The following ADAM22 variants were observed in gnomAD, a reference collection of about 807,000 sequenced individuals.
The protein encoded by ADAM22 is disintegrin and metalloproteinase domain-containing protein 22.
In ADAM22, 65 loss-of-function variants were observed where a neutral mutation model predicts 144.6. That is an observed-to-expected ratio of 0.45 (90% confidence interval 0.37 to 0.55). ADAM22 has a LOEUF of 0.55. Ranked by LOEUF, ADAM22 falls within the 20% of genes least tolerant of loss-of-function variation. The pLI, the probability that ADAM22 is intolerant of heterozygous loss-of-function variation, is 0.00. For synonymous variants in ADAM22, 391 were observed against 412.6 expected (o/e 0.95, Z 0.63); for missense variants, 974 against 1,184.9 (o/e 0.82, Z 2.61).
intron 2 of ADAM22, among the ~76,000 whole-genome samples, chr7:87,939,677 A>C (rs1584442326): frequency 6.6e-6 from 1 of 152,192 alleles, no homozygotes; most frequent in Admixed American, 6.5e-5. Flanking sequence ...GTCTTTGTTA[A>C]ATAACATTAA....
chr7:88,081,228 A>G (rs1220349674), intron 4 of ADAM22, among the ~76,000 whole-genome samples: 2 of 152,200 alleles, frequency 1.3e-5, no homozygotes, highest in African/African-American at 2.4e-5. Context: ...AGACAGAACC[A>G]AAGACAAAAA....
intron 29 of ADAM22, among the ~76,000 whole-genome samples, chr7:88,182,319 A>T (rs565155386): frequency 6.6e-6 from 1 of 152,126 alleles, no homozygotes; most frequent in East Asian, 1.9e-4. Context: ...ATTTGATAAC[A>T]TTCCTTTCTT....
chr7:88,129,676 G>A (rs978903506), intron 9 of ADAM22, among the ~76,000 whole-genome samples: 9 of 151,994 alleles, frequency 5.9e-5, no homozygotes, highest in Non-Finnish European at 1.2e-4. Context: ...GACATATAAC[G>A]TAAGTGAAAT....
intron 2 of ADAM22, among the ~76,000 whole-genome samples, chr7:87,975,106 G>C (rs1041330170): frequency 3.7e-4 from 56 of 152,102 alleles, no homozygotes; most frequent in Non-Finnish European, 1.5e-4. Flanking sequence ...GCATATTTAG[G>C]GGTCATTATT....
At chr7:87,955,732 G>A (rs965644533) in intron 2 of ADAM22, among the ~76,000 whole-genome samples, 2 of 152,238 alleles carry the variant, frequency 1.3e-5, no homozygotes, top group Admixed American at 6.5e-5. Flanking sequence ...CCCCAGAGGT[G>A]TAGCCTACAG....
chr7:88,120,321 TC>T (rs1038668247), intron 7 of ADAM22, among the ~76,000 whole-genome samples: 12 of 151,428 alleles, frequency 7.9e-5, no homozygotes, highest in Admixed American at 1.3e-4. Context: ...ATGCTATCCC[TC>T]CCCCCTTCCC....
At chr7:88,039,464 A>AAT (rs1554420479) in intron 3 of ADAM22, among the ~76,000 whole-genome samples, 1,135 of 76,214 alleles carry the variant, frequency 0.015, 114 homozygotes, top group South Asian at 0.047. Flanking sequence ...AAAAAAAAAA[A>AAT]ATATATATAT....
At chr7:87,953,649 C>G (rs1410575625) in intron 2 of ADAM22, among the ~76,000 whole-genome samples, 19 of 152,234 alleles carry the variant, frequency 1.2e-4, no homozygotes, top group Non-Finnish European at 2.2e-4. Flanking sequence ...CTGTAGCTGT[C>G]TATTAGGTCC....
At position 87,934,470 on chromosome 7, in the gene ADAM22, A is replaced by C; in HGVS notation, c.5A>C (p.Gln2Pro). The C allele has an allele frequency of 1.3e-6, 2 of 1,599,032 alleles. No individual in the cohort carries two copies. The highest frequency in any genetic ancestry group is 1.1e-5 in the South Asian group (1 of 89,472). ...AGGCGGGCTGACGGCAGCACCATGC[A>C]GGCGGCAGTGGCTGTGTCCGTGCCC... M[Q>P]AAVAVSVPFL... Residue 2 changes from glutamine (Q) to proline (P), a missense_variant, in exon 1 of 32, where the codon CAG becomes CCG. By Grantham distance (76) the Gln-to-Pro change is moderately conservative. This residue lies in a region of ADAM22 where 240 missense variants were observed against 234.3 expected (regional missense o/e 1.02). Coordinates refer to ENST00000413139, the MANE Select transcript of ADAM22 (RefSeq NM_001324418.2).
At chr7:87,950,871 G>A (rs1844899075) in intron 2 of ADAM22, among the ~76,000 whole-genome samples, 1 of 149,492 alleles carries the variant, frequency 6.7e-6, no homozygotes, top group Non-Finnish European at 1.5e-5. Context: ...GTTTTGATTT[G>A]CATTTCTCTG....
At chr7:88,170,702 TG>T (rs1844114085) in intron 25 of ADAM22, among the ~76,000 whole-genome samples, 1 of 151,974 alleles carries the variant, frequency 6.6e-6, no homozygotes, top group African/African-American at 2.4e-5. Flanking sequence ...GAAATCCATA[TG>T]AAAACATTAT....
At chr7:88,077,243 A>T (rs1026320985) in intron 4 of ADAM22, among the ~76,000 whole-genome samples, 16 of 152,216 alleles carry the variant, frequency 1.1e-4, no homozygotes, top group Admixed American at 5.2e-4. Flanking sequence ...GTCCTATTCA[A>T]ATGACATTCT....
chr7:88,041,450 A>G (rs1803104918), intron 3 of ADAM22, among the ~76,000 whole-genome samples: 1 of 151,712 alleles, frequency 6.6e-6, no homozygotes, highest in Non-Finnish European at 1.5e-5. Context: ...ACATCCATAT[A>G]TATTTTATAT....
chr7:87,942,405 A>G (rs530708028), intron 2 of ADAM22, among the ~76,000 whole-genome samples: 2 of 152,242 alleles, frequency 1.3e-5, no homozygotes, highest in African/African-American at 4.8e-5. Flanking sequence ...AGGGGATTTG[A>G]ACCTAGGCAC....
At chr7:88,131,171 C>CA in intron 10 of ADAM22, 98 bp from the exon 11 acceptor site, 2 of 1,022,126 alleles carry the variant, frequency 2.0e-6, no homozygotes, top group Admixed American at 2.6e-5. Context: ...AACTAAAACT[C>CA]AAAGAAGTTT....
chr7:88,136,211 A>AT (rs1367185100), intron 14 of ADAM22, among the ~76,000 whole-genome samples, 180 bp downstream of exon 14: 7 of 151,882 alleles, frequency 4.6e-5, no homozygotes, highest in Non-Finnish European at 1.0e-4. Flanking sequence ...GACCTCAAAG[A>AT]TTTTTTTTTC....
In ADAM22 at chr7:87,944,441, C is replaced by A. The variant is rs1843084828; in HGVS notation, c.246+9255C>A. Among the ~76,000 whole-genome samples, 4 of 152,106 alleles carry A rather than the reference C, an allele frequency of 2.6e-5. No individual in the cohort carries two copies. The South Asian group carries it at 8.3e-4, about 31-fold the overall frequency. ...TGATTTCCCTAGTGGATTTTTAATG[C>A]CTTTGGGATATCCTGTTAGTGTTCT... is the stretch of plus-strand genomic sequence containing the variant. On this transcript the variant is annotated intron_variant, in intron 2 of 31. Transcript: ENST00000413139.
chr7:87,974,774 G>C (rs1204877479), intron 2 of ADAM22, among the ~76,000 whole-genome samples: 1 of 152,204 alleles, frequency 6.6e-6, no homozygotes, highest in Non-Finnish European at 1.5e-5. Context: ...ACAAGGATAA[G>C]ATGAAGTATT....
intron 4 of ADAM22, among the ~76,000 whole-genome samples, chr7:88,096,306 A>T (rs556892570): frequency 6.6e-6 from 1 of 150,422 alleles, no homozygotes; most frequent in East Asian, 1.9e-4. Flanking sequence ...TTCTGCTCTT[A>T]CTTTTGTAAT....
Sources: gnomAD v4.1 joint callset for allele counts (sites outside exome capture counted in the v4.1 genomes callset) on GRCh38, gnomAD v4.1.1 for gene constraint, gnomAD v4.1.1 regional missense constraint, MANE v1.5 for transcripts, NCBI Gene and HGNC (gene_info 2026-07-23, HGNC 2026-07-21) for gene names.